Variants in ANLN observed in about 807,000 individuals in gnomAD.
The protein encoded by ANLN is anillin, actin binding protein, also known as anillin.
Under a neutral mutation model 135.1 loss-of-function variants are expected in ANLN, and 59 were observed. That is an observed-to-expected ratio of 0.44 (90% CI 0.35 to 0.54). ANLN has a LOEUF of 0.54. Ranked by LOEUF, ANLN falls within the 20% of genes least tolerant of loss-of-function variation. The pLI is 0.00. For synonymous variants in ANLN, 406 were observed against 456.4 expected (o/e 0.89, Z 1.41); for missense variants, 1,182 against 1,340.0 (o/e 0.88, Z 1.84).
intron 22 of ANLN, among the ~76,000 whole-genome samples, chr7:36,444,212 T>A (rs1453693791): frequency 1.3e-5 from 2 of 150,438 alleles, no homozygotes; most frequent in African/African-American, 4.9e-5. Context: ...ATCTCTTGGA[T>A]CCAGGAGACC....
chr7:36,449,478 T>G (rs1002297622), intron 22 of ANLN, 187 bp from the exon 23 acceptor site: 10 of 475,242 alleles, frequency 2.1e-5, no homozygotes, highest in Admixed American at 3.9e-5. Context: ...TTTTGGGTTT[T>G]ATTTTTATGT....
chr7:36,400,744 A>G (rs1645623309), intron 3 of ANLN, among the ~76,000 whole-genome samples: 1 of 152,192 alleles, frequency 6.6e-6, no homozygotes, highest in African/African-American at 2.4e-5. Context: ...ACTGGGCCTC[A>G]CCCAAGGAAG....
At chr7:36,444,466 G>A (rs1183616140) in intron 22 of ANLN, among the ~76,000 whole-genome samples, 4 of 151,908 alleles carry the variant, frequency 2.6e-5, no homozygotes, top group Non-Finnish European at 5.9e-5. Context: ...GACATTTGAA[G>A]TTGGAAATGT....
intron 20 of ANLN, among the ~76,000 whole-genome samples, chr7:36,431,597 G>GTGTGTGTT (rs1306528982): frequency 3.6e-5 from 1 of 27,446 alleles, no homozygotes; most frequent in South Asian, 1.8e-3. Flanking sequence ...GTGTGTGTGT[G>GTGTGTGTT]TATATATATA....
chr7:36,395,861 T>C (rs545772528), intron 1 of ANLN, among the ~76,000 whole-genome samples: 4 of 152,124 alleles, frequency 2.6e-5, no homozygotes, highest in African/African-American at 9.6e-5. Context: ...GTTCACTTAG[T>C]GGCAGAGAGA....
chr7:36,442,511 C>T lies in ANLN; in HGVS notation c.2971-1244C>T, dbSNP rs144846197. 1.9e-3 allele frequency among the ~76,000 whole-genome samples: 295 copies of T among 152,316 alleles called. 2 individuals carry two copies. The East Asian group carries it at 0.027, about 14-fold the overall frequency. On this transcript the variant is annotated intron_variant, in intron 21 of 23. Transcript: ENST00000265748. ...TGGCCCAAAGTCTAAAATATTTACT[C>T]TCTGGCCCTTATAGAAAAGGTTTCC...
In ANLN at chr7:36,389,925, A is replaced by G. The variant is rs749415345; in HGVS notation, c.-102A>G. ...TTGTGGGAGAGTTCCCCCGCCTCAG[A>G]CTCCTGGTTTTTTCCAGGAGACACA... is the stretch of plus-strand genomic sequence containing the variant. On this transcript the variant is annotated 5_prime_UTR_variant, in exon 1 of 24. Coordinates refer to ENST00000265748, the MANE Select transcript of ANLN (RefSeq NM_018685.5). 3.1e-6 allele frequency: 5 copies of G among 1,604,092 alleles called. No homozygotes were observed. In the African/African-American group the frequency reaches 5.4e-5, roughly 17 times the overall value.
At chr7:36,420,823 C>T (rs1562803151) in intron 12 of ANLN, 79 bp downstream of exon 12, 1 of 1,479,344 alleles carries the variant, frequency 6.8e-7, no homozygotes, top group East Asian at 2.3e-5. Context: ...AGGGCCCAGC[C>T]TTACTTATCT....
intron 20 of ANLN, among the ~76,000 whole-genome samples, chr7:36,428,642 A>G (rs1407753575): frequency 1.3e-5 from 2 of 151,902 alleles, no homozygotes; most frequent in African/African-American, 2.4e-5. Context: ...TTATAATCCT[A>G]TATTCACATC....
chr7:36,443,878 C>T lies in ANLN; in HGVS notation c.3078+16C>T, dbSNP rs1207114493. On this transcript the variant is annotated intron_variant, in intron 22 of 23. Transcript: ENST00000265748. Reference sequence around the variant, plus strand: ...GAAACGCAAGGTAATTTATATAGTACTGTTTAGTGGTGAAAGCCCTGATTG... The same window carrying T: ...GAAACGCAAGGTAATTTATATAGTATTGTTTAGTGGTGAAAGCCCTGATTG... 4 of 1,549,222 alleles carry T rather than the reference C, an allele frequency of 2.6e-6. No individual in the cohort carries two copies. In the East Asian group the frequency reaches 6.9e-5, roughly 27 times the overall value.
In ANLN at chr7:36,423,955, A is replaced by T; in HGVS notation, c.2603+12A>T. 1 of 1,601,472 alleles carries T rather than the reference A, an allele frequency of 6.2e-7. No individual in the cohort carries two copies. The highest frequency in any genetic ancestry group is 8.5e-7 in the Non-Finnish European group (1 of 1,174,538). The stretch of plus-strand genomic sequence containing the variant: ...ACTACATTTACTCTGTAAGTAAATC[A>T]GGCTTTTGATGATTCGAATGCATTT... On this transcript the variant is annotated intron_variant, in intron 15 of 23. Coordinates refer to ENST00000265748, the MANE Select transcript of ANLN (RefSeq NM_018685.5).
intron 7 of ANLN, among the ~76,000 whole-genome samples, chr7:36,413,192 A>G (rs1787497883): frequency 6.6e-6 from 1 of 152,136 alleles, no homozygotes. Flanking sequence ...TCTGAAAAAA[A>G]AAACAACTCT....
At chr7:36,436,385 G>C (rs1287837951) in intron 20 of ANLN, among the ~76,000 whole-genome samples, 1 of 152,140 alleles carries the variant, frequency 6.6e-6, no homozygotes, top group African/African-American at 2.4e-5. Flanking sequence ...TATTTGGGCT[G>C]TTTCCGCATT....
intron 21 of ANLN, among the ~76,000 whole-genome samples, chr7:36,440,070 G>GT (rs1013060681): frequency 1.3e-5 from 2 of 152,206 alleles, no homozygotes; most frequent in Non-Finnish European, 2.9e-5. Flanking sequence ...AATGAGTTAA[G>GT]TTTTACGTGA....
chr7:36,428,979 A>G (rs1252998281), intron 20 of ANLN, among the ~76,000 whole-genome samples: 2 of 151,918 alleles, frequency 1.3e-5, no homozygotes, highest in Non-Finnish European at 2.9e-5. Flanking sequence ...GGGTTTCACC[A>G]TATTGGCCAG....
At chr7:36,396,613 G>A (rs1275471697) in intron 2 of ANLN, among the ~76,000 whole-genome samples, 194 bp downstream of exon 2, 2 of 151,868 alleles carry the variant, frequency 1.3e-5, no homozygotes, top group African/African-American at 4.8e-5. Context: ...GGGTTGGAAC[G>A]GTTTCTTCTA....
chr7:36,429,718 C>T (rs1411275592), intron 20 of ANLN, among the ~76,000 whole-genome samples: 1 of 152,090 alleles, frequency 6.6e-6, no homozygotes, highest in Admixed American at 6.5e-5. Flanking sequence ...CCAGTTTCTA[C>T]ATATGTAAGA....
At chr7:36,451,599 G>A (rs150846009) in intron 23 of ANLN, among the ~76,000 whole-genome samples, 2 of 152,158 alleles carry the variant, frequency 1.3e-5, no homozygotes, top group African/African-American at 4.8e-5. Context: ...AACACACTTA[G>A]CACAGTTTCC....
At chr7:36,405,015 G>A (rs778939095) in intron 3 of ANLN, among the ~76,000 whole-genome samples, 5 of 152,178 alleles carry the variant, frequency 3.3e-5, no homozygotes, top group East Asian at 1.9e-4. Flanking sequence ...AAGATAGGGC[G>A]TGGGCTACTG....
Sources: allele counts gnomAD v4.1 joint callset (sites outside exome capture counted in the v4.1 genomes callset), GRCh38; gene constraint gnomAD v4.1.1; transcripts MANE v1.5; gene names NCBI Gene and HGNC (gene_info 2026-07-23, HGNC 2026-07-21).